Variants in SDK1 observed in about 807,000 individuals in gnomAD.
SDK1 encodes the protein sidekick cell adhesion molecule 1, also known as protein sidekick-1.
In SDK1, 157 loss-of-function variants were observed where a neutral mutation model predicts 245.5. That is an observed-to-expected ratio of 0.64 (90% confidence interval 0.56 to 0.73). The LOEUF (loss-of-function observed/expected upper bound fraction) is 0.73. SDK1 is among the 30% of genes least tolerant of loss of function. SDK1 has a pLI of 0.00. For missense variants in SDK1, 3,583 were observed against 3,002.3 expected (o/e 1.19, Z -4.52); for synonymous variants, 1,647 against 1,278.5 (o/e 1.29, Z -6.15).
At chr7:4,141,487 T>G (rs1779579802) in intron 28 of SDK1, among the ~76,000 whole-genome samples, 1 of 152,218 alleles carries the variant, frequency 6.6e-6, no homozygotes, top group Admixed American at 6.5e-5. Context: ...AACCATGCCC[T>G]GCTCCTGAAA....
intron 1 of SDK1, among the ~76,000 whole-genome samples, chr7:3,500,383 A>T (rs899492623): frequency 2.6e-5 from 4 of 152,072 alleles, no homozygotes; most frequent in Admixed American, 6.5e-5. Context: ...AAAAATGTAG[A>T]CATTTTTTCT....
intron 17 of SDK1, among the ~76,000 whole-genome samples, chr7:4,044,143 G>C (rs1208404606): frequency 6.6e-6 from 1 of 152,212 alleles, no homozygotes; most frequent in Non-Finnish European, 1.5e-5. Context: ...GTGACCGTCT[G>C]TGCCTCTCAT....
rs373764656 is a variant in SDK1, at chr7:4,095,024, G to T, written c.3324+15440G>T. 1.2e-3 allele frequency among the ~76,000 whole-genome samples: 178 copies of T among 152,302 alleles called. 3 individuals carry two copies. In the South Asian group the frequency reaches 0.019, roughly 16 times the overall value. Reference sequence around the variant, plus strand: ...TCAGCAGAAAAGAACGTTAGCTCTGGCCTGAGGGTGTGACTTCCTCCAGGC... The same window carrying T: ...TCAGCAGAAAAGAACGTTAGCTCTGTCCTGAGGGTGTGACTTCCTCCAGGC... On this transcript the variant is annotated intron_variant, in intron 22 of 44. Transcript: ENST00000404826.
chr7:3,705,486 ATTTTAT>A (rs1784860207), intron 4 of SDK1, among the ~76,000 whole-genome samples: 1 of 115,276 alleles, frequency 8.7e-6, no homozygotes, highest in African/African-American at 4.3e-5. Flanking sequence ...ATTTTATTTT[ATTTTAT>A]TTTTTATTTT....
chr7:4,084,396 G>C (rs572014930), intron 22 of SDK1, among the ~76,000 whole-genome samples: 2 of 152,294 alleles, frequency 1.3e-5, no homozygotes, highest in South Asian at 2.1e-4. Flanking sequence ...GCCTAGGGAG[G>C]CTTTCGTATC....
intron 39 of SDK1, 52 bp from the exon 40 acceptor site, chr7:4,221,187 G>A (rs992326931): frequency 1.9e-6 from 3 of 1,603,184 alleles, no homozygotes; most frequent in Non-Finnish European, 2.5e-6. Flanking sequence ...GGGGTGGGAT[G>A]TGAGCCCCGC....
At chr7:3,754,871 C>G (rs1457353554) in intron 4 of SDK1, among the ~76,000 whole-genome samples, 1 of 152,166 alleles carries the variant, frequency 6.6e-6, no homozygotes, top group Non-Finnish European at 1.5e-5. Flanking sequence ...GAAAGGGAAT[C>G]GCAGCACAGG....
chr7:3,652,857 T>C (rs1035776004), intron 4 of SDK1, among the ~76,000 whole-genome samples: 2 of 151,806 alleles, frequency 1.3e-5, no homozygotes, highest in African/African-American at 2.4e-5. Context: ...TGCAAGGGAG[T>C]GATGAGTCTC....
chr7:3,869,564 C>T (rs1780908881), intron 5 of SDK1, among the ~76,000 whole-genome samples: 1 of 152,184 alleles, frequency 6.6e-6, no homozygotes, highest in Non-Finnish European at 1.5e-5. Context: ...CCACCCTGTG[C>T]CCCCAGCCCG....
Position 4,065,139 on chromosome 7 carries a change from G to A in SDK1, c.2912-2699G>A, listed in dbSNP as rs532716457. Among the ~76,000 whole-genome samples the A allele has an allele frequency of 8.5e-4, 129 of 152,276 alleles. 1 individual carries two copies. The highest frequency in any genetic ancestry group is 1.5e-3 in the Non-Finnish European group (101 of 68,022). On this transcript the variant is annotated intron_variant, in intron 19 of 44. Coordinates refer to ENST00000404826, the MANE Select transcript of SDK1 (RefSeq NM_152744.4). ...AACACCCTAACTTGGCCGTTACACA[G>A]TCAGTGCCTGTAACAAAACGTCACC...
intron 17 of SDK1, among the ~76,000 whole-genome samples, chr7:4,030,380 A>C (rs1045939259): frequency 6.6e-6 from 1 of 152,256 alleles, no homozygotes; most frequent in Non-Finnish European, 1.5e-5. Context: ...TCAGTTCAGC[A>C]TAAGGGAAAT....
chr7:4,032,280 A>C (rs1219555936), intron 17 of SDK1, among the ~76,000 whole-genome samples: 1 of 152,226 alleles, frequency 6.6e-6, no homozygotes, highest in Non-Finnish European at 1.5e-5. Context: ...GATATTTGCC[A>C]ATATTCAATG....
intron 44 of SDK1, among the ~76,000 whole-genome samples, chr7:4,255,482 G>T (rs374062532): frequency 6.6e-6 from 1 of 152,176 alleles, no homozygotes; most frequent in African/African-American, 2.4e-5. Context: ...TCCTCCCAGC[G>T]TGGGACTTCT....
rs375950389 is a variant in SDK1, at chr7:4,208,164, G to T, written c.5280G>T (p.Glu1760Asp). ...AAATGAAGGTCCTCTTCCTCCCCGAGCCCGTGGTGAGGCTGAAGAACCTGA... is the reference window on the plus strand; with the variant it reads ...AAATGAAGGTCCTCTTCCTCCCCGATCCCGTGGTGAGGCTGAAGAACCTGA... ...TEKMKVLFLPEPVVRLKNLTS... is the reference protein window; with the variant it reads ...TEKMKVLFLPDPVVRLKNLTS... Residue 1760 changes from glutamate (E) to aspartate (D), a missense_variant, in exon 37 of 45, where the codon GAG becomes GAT. Physicochemically the swap from Glu to Asp is conservative, Grantham distance 45. Coordinates refer to ENST00000404826, the MANE Select transcript of SDK1 (RefSeq NM_152744.4). 13 of 1,613,958 alleles carry T rather than the reference G, an allele frequency of 8.1e-6. No homozygotes were observed. The highest frequency in any genetic ancestry group is 1.1e-5 in the Non-Finnish European group (13 of 1,179,998).
intron 14 of SDK1, among the ~76,000 whole-genome samples, chr7:4,000,450 T>G (rs2128144117): frequency 6.6e-6 from 1 of 152,196 alleles, no homozygotes; most frequent in South Asian, 2.1e-4. Context: ...CCTGAGCCCC[T>G]CCCCAGCATC....
chr7:3,770,908 C>G lies in SDK1; in HGVS notation c.714-50542C>G, dbSNP rs547846718. Among the ~76,000 whole-genome samples the G allele has an allele frequency of 2.6e-5, 4 of 152,184 alleles. 1 individual carries two copies. Among genetic ancestry groups the G allele is most frequent in the African/African-American group, 9.6e-5 (4 of 41,570 alleles). On this transcript the variant is annotated intron_variant, in intron 4 of 44. Transcript: ENST00000404826. ...TTGGTGAGGGAAGGAAGGTAACATT[C>G]TTTGTTGCCATCTTCCTCCAGTCCT...
chr7:3,759,390 G>C (rs938578350), intron 4 of SDK1, among the ~76,000 whole-genome samples: 2 of 152,008 alleles, frequency 1.3e-5, no homozygotes, highest in Admixed American at 6.6e-5. Context: ...TTTCTGAGGA[G>C]AGCCATGTCC....
intron 20 of SDK1, among the ~76,000 whole-genome samples, chr7:4,072,557 G>A (rs1780319953): frequency 1.3e-5 from 2 of 152,218 alleles, no homozygotes; most frequent in Admixed American, 1.3e-4. Context: ...GAACATGCTG[G>A]CAGCACCATG....
chr7:3,492,783 C>T (rs1039804009), intron 1 of SDK1, among the ~76,000 whole-genome samples: 10 of 152,086 alleles, frequency 6.6e-5, no homozygotes, highest in South Asian at 4.1e-4. Flanking sequence ...GCAAACAGAA[C>T]GATGCAGCTG....
Sources: allele counts gnomAD v4.1 joint callset (sites outside exome capture counted in the v4.1 genomes callset), GRCh38; gene constraint gnomAD v4.1.1; transcripts MANE v1.5; gene names NCBI Gene and HGNC (gene_info 2026-07-23, HGNC 2026-07-21).